Variants in TNR observed in about 807,000 individuals in gnomAD.
TNR encodes the protein tenascin-R.
A neutral mutation model predicts 150.4 loss-of-function variants in TNR; 45 were observed. The ratio of observed to expected loss-of-function variants is 0.30; its 90% confidence interval spans 0.24 to 0.38. The LOEUF (loss-of-function observed/expected upper bound fraction) is 0.38. Among genes scored for constraint, TNR ranks in the 10% least tolerant of loss-of-function variants. TNR has a pLI of 1.00. For synonymous variants in TNR, 687 were observed against 678.4 expected (o/e 1.01, Z -0.20); for missense variants, 1,544 against 1,759.1 (o/e 0.88, Z 2.19).
rs1043932915 is a variant in TNR, at chr1:175,363,588, A to T, written c.2707+120T>A. The T allele has an allele frequency of 2.3e-6, 3 of 1,322,430 alleles. No individual in the cohort carries two copies. The African/African-American group carries it at 4.5e-5, about 20-fold the overall frequency. The allele number at this position is 1,322,430 out of a possible 1,614,324, so 81.9% of individuals were successfully genotyped here. ...CACCAGCCCACTCTCATTCTGATGC[A>T]GCATGCCACAGAGAAGAGGAAAAAC... On this transcript the variant is annotated intron_variant, in intron 13 of 22. Coordinates refer to ENST00000367674, the MANE Select transcript of TNR (RefSeq NM_003285.3).
chr1:175,362,468 G>A (rs997701279), intron 14 of TNR, among the ~76,000 whole-genome samples, 195 bp downstream of exon 14: 2 of 152,158 alleles, frequency 1.3e-5, no homozygotes, highest in Admixed American at 1.3e-4. Flanking sequence ...CTTCTAGAGG[G>A]TGACTCTCTA....
In TNR at chr1:175,623,569, C is replaced by A. The variant is rs987114347; in HGVS notation, c.-164-95200G>T. On this transcript the variant is annotated intron_variant, in intron 1 of 22. Transcript: ENST00000367674. ...CACATCAAGCCCCGTGGGACACCCA[C>A]ACTAACCTCTACCTAACCAGGCTTT... Among the ~76,000 whole-genome samples, 3 of 152,200 alleles carry A rather than the reference C, an allele frequency of 2.0e-5. No individual in the cohort carries two copies. In the South Asian group the frequency reaches 6.2e-4, roughly 32 times the overall value.
chr1:175,420,914 A>G (rs1238327925), intron 2 of TNR, among the ~76,000 whole-genome samples: 1 of 152,248 alleles, frequency 6.6e-6, no homozygotes, highest in South Asian at 2.1e-4. Flanking sequence ...TTGGAAAAAT[A>G]CAGTGACATT....
chr1:175,418,720 G>C (rs1383676589), intron 2 of TNR, among the ~76,000 whole-genome samples: 1 of 146,752 alleles, frequency 6.8e-6, no homozygotes, highest in African/African-American at 2.5e-5. Flanking sequence ...GAGAGAGAGA[G>C]AGAAAAAAAA....
intron 2 of TNR, among the ~76,000 whole-genome samples, chr1:175,457,138 T>A (rs1031067741): frequency 6.6e-6 from 1 of 152,226 alleles, no homozygotes; most frequent in Non-Finnish European, 1.5e-5. Flanking sequence ...TTCTATTAAC[T>A]TTTCCCCTGT....
intron 2 of TNR, among the ~76,000 whole-genome samples, chr1:175,419,993 C>T (rs934921298): frequency 6.6e-6 from 1 of 152,178 alleles, no homozygotes; most frequent in Non-Finnish European, 1.5e-5. Flanking sequence ...CCCAGAGAGG[C>T]GTGGTGTGGA....
At chr1:175,397,366 GCA>G (rs1326500989) in intron 4 of TNR, among the ~76,000 whole-genome samples, 4 of 152,132 alleles carry the variant, frequency 2.6e-5, no homozygotes, top group Non-Finnish European at 5.9e-5. Flanking sequence ...ATGGAAACTG[GCA>G]AATGCTACAC....
At chr1:175,626,333 A>C (rs1265858351) in intron 1 of TNR, among the ~76,000 whole-genome samples, 1 of 152,102 alleles carries the variant, frequency 6.6e-6, no homozygotes, top group Non-Finnish European at 1.5e-5. Context: ...GGTCATTAAA[A>C]TCTCACCCAA....
intron 1 of TNR, among the ~76,000 whole-genome samples, chr1:175,634,490 T>A (rs1249776498): frequency 6.6e-6 from 1 of 152,178 alleles, no homozygotes; most frequent in Non-Finnish European, 1.5e-5. Flanking sequence ...CTCAGATGAG[T>A]GGCTTATCTC....
chr1:175,521,392 C>T (rs1659633446), intron 2 of TNR, among the ~76,000 whole-genome samples: 1 of 152,140 alleles, frequency 6.6e-6, no homozygotes, highest in South Asian at 2.1e-4. Context: ...AACAGCATTC[C>T]TCTCAAGTAA....
In TNR at chr1:175,426,925, ATATATATAAAATATATTATATATATAT is replaced by A. The variant is rs1557927212; in HGVS notation, c.-63-20175_-63-20149del. Among the ~76,000 whole-genome samples, 71 of 86,688 alleles carry A rather than the reference ATATATATAAAATATATTATATATATAT, an allele frequency of 8.2e-4. 1 individual carries two copies. The highest frequency in any genetic ancestry group is 2.3e-3 in the African/African-American group (50 of 21,844). The allele number at this position is 86,688 out of a possible 152,430, so 56.9% of individuals were successfully genotyped here. A position where few individuals can be genotyped will look rare whatever the true frequency, so the allele number is the denominator to read the frequency against. On this transcript the variant is annotated intron_variant, in intron 2 of 22. Transcript: ENST00000367674. ...AATATATTATATATATAAAATATAA[ATATATATAAAATATATTATATATATAT>A]TATATATAAAATATATTATATATAT...
chr1:175,680,723 T>C (rs1266423925), intron 1 of TNR, among the ~76,000 whole-genome samples: 4 of 152,110 alleles, frequency 2.6e-5, no homozygotes, highest in African/African-American at 7.2e-5. Flanking sequence ...AACACAGAGA[T>C]GACAGTGAGT....
chr1:175,522,939 T>A (rs1042009814), intron 2 of TNR, among the ~76,000 whole-genome samples: 4 of 152,254 alleles, frequency 2.6e-5, no homozygotes, highest in African/African-American at 9.6e-5. Flanking sequence ...CTGCCTATGA[T>A]CAATTCTCAT....
chr1:175,697,605 A>G (rs911192428), intron 1 of TNR, among the ~76,000 whole-genome samples: 1 of 152,070 alleles, frequency 6.6e-6, no homozygotes, highest in African/African-American at 2.4e-5. Context: ...CTTTGATTTC[A>G]AGTCCTGCAA....
At chr1:175,531,346 A>G (rs1463801065) in intron 1 of TNR, among the ~76,000 whole-genome samples, 1 of 152,230 alleles carries the variant, frequency 6.6e-6, no homozygotes, top group Non-Finnish European at 1.5e-5. Context: ...TAATGATATC[A>G]CACAAAGGCC....
At chr1:175,463,887 C>T (rs1030947357) in intron 2 of TNR, among the ~76,000 whole-genome samples, 1 of 152,198 alleles carries the variant, frequency 6.6e-6, no homozygotes, top group Non-Finnish European at 1.5e-5. Context: ...TATATGATTC[C>T]AATGGAGTCA....
At chr1:175,703,535 T>C (rs1241833698) in intron 1 of TNR, among the ~76,000 whole-genome samples, 1 of 152,214 alleles carries the variant, frequency 6.6e-6, no homozygotes, top group Non-Finnish European at 1.5e-5. Flanking sequence ...GGGCCTAGAC[T>C]CAGTTAACAC....
chr1:175,455,174 G>A (rs772316137), intron 2 of TNR, among the ~76,000 whole-genome samples: 186 of 152,300 alleles, frequency 1.2e-3, no homozygotes, highest in Non-Finnish European at 2.2e-3. Flanking sequence ...CAGATCCTCC[G>A]GTCCCCAAGA....
intron 2 of TNR, among the ~76,000 whole-genome samples, chr1:175,463,356 T>G (rs1571476529): frequency 6.6e-6 from 1 of 152,226 alleles, no homozygotes; most frequent in South Asian, 2.1e-4. Flanking sequence ...CACTCTTTCT[T>G]CTTTTACCAC....
Sources: allele counts gnomAD v4.1 joint callset (sites outside exome capture counted in the v4.1 genomes callset), GRCh38; gene constraint gnomAD v4.1.1; transcripts MANE v1.5; gene names NCBI Gene and HGNC (gene_info 2026-07-23, HGNC 2026-07-21).